Variants in TYRP1 observed in about 807,000 individuals in gnomAD.
The protein encoded by TYRP1 is 5,6-dihydroxyindole-2-carboxylic acid oxidase.
TYRP1 carries 49 observed loss-of-function variants against 42.8 expected under a neutral mutation model. The ratio of observed to expected loss-of-function variants is 1.14; its 90% CI spans 0.91 to 1.45. The LOEUF is 1.45. Among genes scored for constraint, TYRP1 ranks in the 40% most tolerant of loss-of-function variants. The pLI, the probability that TYRP1 is intolerant of heterozygous loss-of-function variation, is 0.00. For synonymous variants in TYRP1, 279 were observed against 235.4 expected (o/e 1.19, Z -1.69); for missense variants, 848 against 662.0 (o/e 1.28, Z -3.08).
intron 5 of TYRP1, among the ~76,000 whole-genome samples, chr9:12,703,279 T>C (rs1473806107): frequency 1.3e-5 from 2 of 152,014 alleles, no homozygotes; most frequent in African/African-American, 4.8e-5. Flanking sequence ...TTCTCTGCCC[T>C]ATGATCAGAG....
chr9:12,695,904 A>C, intron 3 of TYRP1, 67 bp downstream of exon 3: 1 of 1,525,334 alleles, frequency 6.6e-7, no homozygotes, highest in Non-Finnish European at 9.0e-7. Flanking sequence ...AAGTGATTTT[A>C]ATTCACTAGT....
In TYRP1 at chr9:12,698,437, T is replaced by A. The variant is rs534722775; in HGVS notation, c.709-14T>A. ...ACAGAAGCAGAGAGTATTAATGTGG[T>A]TTCTGTGATCTAGGAAATGTTGCAA... On this transcript the variant is annotated splice_polypyrimidine_tract_variant and intron_variant, in intron 3 of 7. Transcript: ENST00000388918. The A allele has an allele frequency of 6.2e-7, 1 of 1,611,298 alleles. No homozygotes were observed. Among genetic ancestry groups the A allele is most frequent in the East Asian group, 2.2e-5 (1 of 44,812 alleles).
In TYRP1 at chr9:12,702,268, C is replaced by T; in HGVS notation, c.914-3C>T. ...TGTTTCCACATCCCATTTTTTTCTG[C>T]AGGCACCGAGGATGGGCCAATTAGG... is the stretch of plus-strand genomic sequence containing the variant. On this transcript the variant is annotated splice_polypyrimidine_tract_variant and splice_region_variant and intron_variant, in intron 4 of 7. Coordinates refer to ENST00000388918, the MANE Select transcript of TYRP1 (RefSeq NM_000550.3). The T allele has an allele frequency of 6.2e-7, 1 of 1,612,226 alleles. No individual in the cohort carries two copies. The highest frequency in any genetic ancestry group is 8.5e-7 in the Non-Finnish European group (1 of 1,179,116).
intron 4 of TYRP1, among the ~76,000 whole-genome samples, chr9:12,699,845 C>G (rs1563853893): frequency 6.6e-6 from 1 of 152,014 alleles, no homozygotes; most frequent in Non-Finnish European, 1.5e-5. Context: ...CCCAATCACC[C>G]TGATGATTGG....
At chr9:12,703,874 T>C (rs1818213891) in intron 5 of TYRP1, among the ~76,000 whole-genome samples, 1 of 87,658 alleles carries the variant, frequency 1.1e-5, no homozygotes, top group Non-Finnish European at 2.4e-5. Context: ...ATATGGAATA[T>C]ATATATATAT....
chr9:12,699,091 G>A lies in TYRP1; in HGVS notation c.913+436G>A, dbSNP rs550356344. Among the ~76,000 whole-genome samples, 4 of 152,200 alleles carry A rather than the reference G, an allele frequency of 2.6e-5. No homozygotes were observed. The South Asian group carries it at 6.2e-4, about 24-fold the overall frequency. ...AAAAAAGAAAAGAAGCAAACCAAAT[G>A]TATGCTTGCAGTTATAAAGTTAGAA... On this transcript the variant is annotated intron_variant, in intron 4 of 7. Transcript: ENST00000388918.
At chr9:12,700,128 A>G (rs1443749019) in intron 4 of TYRP1, 2 of 152,072 alleles carry the variant, frequency 1.3e-5, no homozygotes, top group African/African-American at 4.8e-5. Context: ...TTTATTGAAC[A>G]TATATTATGT....
chr9:12,707,941 G>A (rs1051927696), intron 6 of TYRP1, 56 bp from the exon 7 acceptor site: 1 of 1,519,260 alleles, frequency 6.6e-7, no homozygotes, highest in Non-Finnish European at 9.0e-7. Flanking sequence ...ACTCAATAAT[G>A]ATAGGAATAT....
intron 6 of TYRP1, among the ~76,000 whole-genome samples, chr9:12,707,143 G>T (rs1179981754): frequency 1.3e-5 from 2 of 151,898 alleles, no homozygotes; most frequent in African/African-American, 4.8e-5. Flanking sequence ...AGAATTATAT[G>T]AATTAAGTTT....
intron 6 of TYRP1, among the ~76,000 whole-genome samples, chr9:12,705,116 CTTATTT>C (rs1317095741): frequency 1.3e-5 from 2 of 151,966 alleles, no homozygotes; most frequent in African/African-American, 4.8e-5. Flanking sequence ...ATCCACAGTT[CTTATTT>C]TTATTACTTA....
At chr9:12,698,007 C>T (rs993868186) in intron 3 of TYRP1, among the ~76,000 whole-genome samples, 1 of 152,028 alleles carries the variant, frequency 6.6e-6, no homozygotes, top group African/African-American at 2.4e-5. Context: ...ATTAGCACTC[C>T]ACAAAACATA....
chr9:12,710,005 C>T lies in TYRP1; in HGVS notation c.*823C>T, dbSNP rs995661848. 1 of 151,766 alleles carries T rather than the reference C, an allele frequency of 6.6e-6. No individual in the cohort carries two copies. Among genetic ancestry groups the T allele is most frequent in the East Asian group, 1.9e-4 (1 of 5,164 alleles). The allele number at this position is 151,766 out of a possible 1,614,324, so 9.4% of individuals were successfully genotyped here. On this transcript the variant is annotated 3_prime_UTR_variant, in exon 8 of 8. Coordinates refer to ENST00000388918, the MANE Select transcript of TYRP1 (RefSeq NM_000550.3). Reference sequence around the variant, plus strand: ...TTTATACTGCTCTATAAATAGTATTCCAATCACTGTGCTTAATTTAAATAG... The same window carrying T: ...TTTATACTGCTCTATAAATAGTATTTCAATCACTGTGCTTAATTTAAATAG...
intron 2 of TYRP1, chr9:12,694,625 C>A (rs1818047670): frequency 7.2e-6 from 4 of 554,312 alleles, no homozygotes; most frequent in Non-Finnish European, 1.3e-5. Context: ...ACCACTATAT[C>A]CTAGGAACTG....
chr9:12,693,671 G>GTA (rs577668260), intron 1 of TYRP1, among the ~76,000 whole-genome samples, 193 bp downstream of exon 1: 310 of 150,450 alleles, frequency 2.1e-3, no homozygotes, highest in African/African-American at 6.8e-3. Context: ...TATCTAGTAT[G>GTA]TATATATATA....
Position 12,695,687 on chromosome 9 carries a change from C to G in TYRP1, c.558C>G (p.Asn186Lys), listed in dbSNP as rs1188667092. 13 of 1,614,052 alleles carry G rather than the reference C, an allele frequency of 8.1e-6. No individual in the cohort carries two copies. The highest frequency in any genetic ancestry group is 2.7e-5 in the African/African-American group (2 of 74,928). ...TPQFENISIYNYFVWTHYYSV... is the reference protein window; with the variant it reads ...TPQFENISIYKYFVWTHYYSV... ...AATTTGAGAACATTTCCATTTATAA[C>G]TACTTTGTTTGGACACACTATTACT... The change falls in exon 3 of 8, where the codon AAC becomes AAG. Residue 186 changes from asparagine (N) to lysine (K), a missense_variant. Asn to Lys is a moderately conservative substitution (Grantham distance 94, BLOSUM62 0). Coordinates refer to ENST00000388918, the MANE Select transcript of TYRP1 (RefSeq NM_000550.3).
At chr9:12,702,190 G>A in intron 4 of TYRP1, 81 bp from the exon 5 acceptor site, 2 of 1,399,650 alleles carry the variant, frequency 1.4e-6, no homozygotes, top group South Asian at 2.4e-5. Context: ...TCATATTCAT[G>A]CTATGTATAA....
At chr9:12,697,300 G>C (rs140747731) in intron 3 of TYRP1, among the ~76,000 whole-genome samples, 298 of 152,234 alleles carry the variant, frequency 2.0e-3, no homozygotes, top group African/African-American at 6.7e-3. Flanking sequence ...CAACAAATTA[G>C]AATTTAAATG....
chr9:12,702,137 A>G (rs1017686818), intron 4 of TYRP1, 134 bp from the exon 5 acceptor site: 4 of 831,962 alleles, frequency 4.8e-6, no homozygotes, highest in Non-Finnish European at 7.5e-6. Flanking sequence ...GCTACCAAGT[A>G]TGCATTTTTA....
chr9:12,701,990 C>G (rs1227637502), intron 4 of TYRP1, among the ~76,000 whole-genome samples: 3 of 151,950 alleles, frequency 2.0e-5, no homozygotes, highest in African/African-American at 7.2e-5. Context: ...GTGGAAGAAG[C>G]ATATATTGAT....
Sources: gnomAD v4.1 joint callset for allele counts (sites outside exome capture counted in the v4.1 genomes callset) on GRCh38, gnomAD v4.1.1 for gene constraint, MANE v1.5 for transcripts, NCBI Gene and HGNC (gene_info 2026-07-23, HGNC 2026-07-21) for gene names.